Variants in PTBP2 observed in about 807,000 individuals in gnomAD.
PTBP2 encodes the protein polypyrimidine tract-binding protein 2.
PTBP2 carries 13 observed loss-of-function variants against 61.4 expected under a neutral mutation model. The ratio of observed to expected loss-of-function variants is 0.21; its 90% confidence interval spans 0.14 to 0.34. The LOEUF (loss-of-function observed/expected upper bound fraction) is 0.34, where lower values mean the gene tolerates loss of function less well. Ranked by LOEUF, PTBP2 falls within the 10% of genes least tolerant of loss-of-function variation. PTBP2 has a pLI of 1.00. For synonymous variants in PTBP2, 215 were observed against 218.5 expected, an observed-to-expected ratio of 0.98 and a Z score of 0.14; for missense variants, 405 against 642.6, an observed-to-expected ratio of 0.63 and a Z score of 4.00.
chr1:96,777,183 G>T (rs1658131629), intron 5 of PTBP2, among the ~76,000 whole-genome samples: 1 of 152,196 alleles, frequency 6.6e-6, no homozygotes, highest in East Asian at 1.9e-4. Flanking sequence ...GGATAATTCA[G>T]TAACCCCCTT....
At chr1:96,795,984 T>C (rs1660339150) in intron 8 of PTBP2, among the ~76,000 whole-genome samples, 1 of 152,206 alleles carries the variant, frequency 6.6e-6, no homozygotes, top group Non-Finnish European at 1.5e-5. Flanking sequence ...TAATAAATGC[T>C]TGCTACCTAT....
At chr1:96,728,943 G>A (rs1650979442) in intron 2 of PTBP2, among the ~76,000 whole-genome samples, 1 of 151,666 alleles carries the variant, frequency 6.6e-6, no homozygotes, top group Non-Finnish European at 1.5e-5. Flanking sequence ...GTTTGCTAGT[G>A]TATAGAAATG....
At chr1:96,759,648 A>G (rs919886486) in intron 3 of PTBP2, among the ~76,000 whole-genome samples, 1 of 152,220 alleles carries the variant, frequency 6.6e-6, no homozygotes, top group Non-Finnish European at 1.5e-5. Context: ...TTAAAATAGA[A>G]AAATCTTAAA....
chr1:96,779,607 A>G (rs201779393), intron 7 of PTBP2, among the ~76,000 whole-genome samples: 2 of 152,244 alleles, frequency 1.3e-5, no homozygotes, highest in East Asian at 3.9e-4. Context: ...GTTTGTGCAC[A>G]GGTATGCACT....
At chr1:96,808,849 CTATGGTGTACTATTTAG>C (rs1661757911) in intron 11 of PTBP2, among the ~76,000 whole-genome samples, 1 of 151,842 alleles carries the variant, frequency 6.6e-6, no homozygotes, top group African/African-American at 2.4e-5. Flanking sequence ...ACACAAAACT[CTATGGTGTACTATTTAG>C]TATGGTGTAC....
At position 96,808,851 on chromosome 1, in the gene PTBP2, A is replaced by T. The variant is rs143236735; in HGVS notation, c.1171+1893A>T. On this transcript the variant is annotated intron_variant, in intron 11 of 13. Transcript: ENST00000674951. ...CGCATACACTCCCACACAAAACTCTATGGTGTACTATTTAGTATGGTGTAC... is the reference window on the plus strand; with the variant it reads ...CGCATACACTCCCACACAAAACTCTTTGGTGTACTATTTAGTATGGTGTAC... 6.0e-3 allele frequency among the ~76,000 whole-genome samples: 911 copies of T among 152,150 alleles called. 3 individuals carry two copies. Among genetic ancestry groups the T allele is most frequent in the Non-Finnish European group, 9.9e-3 (674 of 67,980 alleles).
In PTBP2 at chr1:96,814,701, A is replaced by T. The variant is rs954441947; in HGVS notation, c.*1296A>T. 1.3e-5 allele frequency: 2 copies of T among 152,570 alleles called. No homozygotes were observed. Among genetic ancestry groups the T allele is most frequent in the African/African-American group, 2.4e-5 (1 of 41,446 alleles). The allele number at this position is 152,570 out of a possible 1,614,324, so 9.5% of individuals were successfully genotyped here. ...ATCTATGTAGACAGAATGGTCATGT[A>T]TATTTTCTATTAGTTGAGTTTTTAC... On this transcript the variant is annotated 3_prime_UTR_variant, in exon 14 of 14. Coordinates refer to ENST00000674951, the MANE Select transcript of PTBP2 (RefSeq NM_021190.4).
intron 8 of PTBP2, among the ~76,000 whole-genome samples, chr1:96,788,660 T>G (rs1659463195): frequency 6.6e-6 from 1 of 152,012 alleles, no homozygotes; most frequent in Non-Finnish European, 1.5e-5. Context: ...AACACAAATA[T>G]AAGGTGATAC....
chr1:96,819,567 A>G (rs1047979403), downstream of PTBP2: 4 of 151,934 alleles, frequency 2.6e-5, no homozygotes, highest in African/African-American at 9.7e-5. Flanking sequence ...TCAACCAGTT[A>G]GATTCTTTTT....
chr1:96,740,684 C>G (rs1652879539), intron 2 of PTBP2, among the ~76,000 whole-genome samples: 1 of 151,922 alleles, frequency 6.6e-6, no homozygotes, highest in African/African-American at 2.4e-5. Context: ...TTATCTTAAG[C>G]AATATATGGT....
intron 8 of PTBP2, among the ~76,000 whole-genome samples, chr1:96,797,160 C>T (rs3791010): frequency 0.2 from 30,928 of 150,962 alleles, 3,342 homozygotes; most frequent in African/African-American, 0.27. Context: ...GCATTGACAT[C>T]GGAAGCCATC....
intron 3 of PTBP2, among the ~76,000 whole-genome samples, chr1:96,763,860 A>G (rs529159351): frequency 1.1e-4 from 16 of 152,304 alleles, no homozygotes; most frequent in Admixed American, 8.5e-4. Context: ...AAGAGACACC[A>G]ATTTGAATAC....
intron 3 of PTBP2, among the ~76,000 whole-genome samples, chr1:96,752,622 C>T (rs1654692808): frequency 6.6e-6 from 1 of 152,050 alleles, no homozygotes; most frequent in Non-Finnish European, 1.5e-5. Flanking sequence ...CATAATTGAA[C>T]AAATAGGCAG....
At chr1:96,786,399 T>C (rs1414390010) in intron 8 of PTBP2, among the ~76,000 whole-genome samples, 1 of 152,164 alleles carries the variant, frequency 6.6e-6, no homozygotes, top group Non-Finnish European at 1.5e-5. Flanking sequence ...CTGTAGTAGA[T>C]GCTTTAGGTC....
At position 96,782,334 on chromosome 1, in the gene PTBP2, C is replaced by T. The variant is rs1439171667; in HGVS notation, c.709-2725C>T. Among the ~76,000 whole-genome samples, 3 of 151,950 alleles carry T rather than the reference C, an allele frequency of 2.0e-5. No homozygotes were observed. In the East Asian group the frequency reaches 5.8e-4, roughly 29 times the overall value. ...TAATAAAAATAAATATGAGATAAAA[C>T]ATTTGCAGCAGTAAGATTATGTCAT... On this transcript the variant is annotated intron_variant, in intron 7 of 13. Transcript: ENST00000674951.
intron 2 of PTBP2, among the ~76,000 whole-genome samples, chr1:96,723,821 C>T (rs138390411): frequency 6.6e-4 from 101 of 152,214 alleles, no homozygotes; most frequent in African/African-American, 2.3e-3. Context: ...TATGAATGAT[C>T]AAGAAATTGA....
chr1:96,734,277 A>G (rs1032439775), intron 2 of PTBP2, among the ~76,000 whole-genome samples: 2 of 152,182 alleles, frequency 1.3e-5, no homozygotes, highest in Non-Finnish European at 2.9e-5. Context: ...TAAATTTCAG[A>G]TATTCATATT....
intron 2 of PTBP2, among the ~76,000 whole-genome samples, chr1:96,731,297 G>A (rs1651378048): frequency 6.6e-6 from 1 of 152,104 alleles, no homozygotes; most frequent in African/African-American, 2.4e-5. Context: ...AAGTGTGTAT[G>A]GGAGTGCCTA....
At chr1:96,769,988 T>G (rs2101010277) in intron 4 of PTBP2, 113 bp downstream of exon 4, 1 of 829,464 alleles carries the variant, frequency 1.2e-6, no homozygotes, top group Non-Finnish European at 1.7e-6. Flanking sequence ...ACAGAAGTCT[T>G]ATTCTCACTT....
Sources: gnomAD v4.1 joint callset for allele counts (sites outside exome capture counted in the v4.1 genomes callset) on GRCh38, gnomAD v4.1.1 for gene constraint, MANE v1.5 for transcripts, NCBI Gene and HGNC (gene_info 2026-07-23, HGNC 2026-07-21) for gene names.